The following INPP5A variants were observed in gnomAD, a reference collection of about 807,000 sequenced individuals.
INPP5A encodes inositol polyphosphate-5-phosphatase A, also known as 43 kDa inositol polyphosphate 5-phophatase.
In INPP5A, 14 loss-of-function variants were observed where a neutral mutation model predicts 65.2. That is an observed-to-expected ratio of 0.21 (90% CI 0.14 to 0.34). The LOEUF is 0.34. Ranked by LOEUF, INPP5A falls within the 10% of genes least tolerant of loss-of-function variation. INPP5A has a pLI of 1.00. For missense variants in INPP5A, 431 were observed against 545.6 expected (o/e 0.79, Z 2.09); for synonymous variants, 207 against 208.3 (o/e 0.99, Z 0.05).
intron 1 of INPP5A, among the ~76,000 whole-genome samples, chr10:132,599,000 A>G (rs985797390): frequency 6.6e-6 from 1 of 152,204 alleles, no homozygotes; most frequent in Non-Finnish European, 1.5e-5. Context: ...TTCCCATAAC[A>G]GGTGGGAATT....
intron 8 of INPP5A, among the ~76,000 whole-genome samples, chr10:132,712,512 A>G (rs1428509998): frequency 6.9e-6 from 1 of 145,828 alleles, no homozygotes; most frequent in African/African-American, 2.6e-5. Flanking sequence ...GCACACTTGC[A>G]GGGGTGTGGG....
intron 4 of INPP5A, among the ~76,000 whole-genome samples, chr10:132,655,833 G>A (rs562844370): frequency 1.3e-5 from 2 of 152,352 alleles, no homozygotes; most frequent in South Asian, 4.1e-4. Flanking sequence ...TACCATCCAT[G>A]GCTCTGGTTC....
At chr10:132,580,842 A>C (rs1005854554) in intron 1 of INPP5A, among the ~76,000 whole-genome samples, 5 of 152,200 alleles carry the variant, frequency 3.3e-5, no homozygotes, top group African/African-American at 1.2e-4. Flanking sequence ...TACTTCCCCC[A>C]AATGCTTCTG....
At position 132,550,340 on chromosome 10, in the gene INPP5A, C is replaced by G. The variant is rs1420304244; in HGVS notation, c.75+12169C>G. Reference sequence around the variant, plus strand: ...CTCTGGCCAGTAGTCCCTGTCCTCTCCAGCGACCGCTCTCTCCTGGGTGTC... The same window carrying G: ...CTCTGGCCAGTAGTCCCTGTCCTCTGCAGCGACCGCTCTCTCCTGGGTGTC... On this transcript the variant is annotated intron_variant, in intron 1 of 15. Transcript: ENST00000368594. The surrounding 1 kb of genome is among the most constrained non-coding windows in gnomAD (Gnocchi z 4.2). Among the ~76,000 whole-genome samples the G allele has an allele frequency of 6.6e-6, 1 of 152,200 alleles. No homozygotes were observed. The highest frequency in any genetic ancestry group is 1.5e-5 in the Non-Finnish European group (1 of 68,036).
At chr10:132,586,358 G>C (rs1170906435) in intron 1 of INPP5A, among the ~76,000 whole-genome samples, 1 of 152,210 alleles carries the variant, frequency 6.6e-6, no homozygotes, top group Non-Finnish European at 1.5e-5. Flanking sequence ...GAGAGCAGGG[G>C]GCTCTCTGGA....
At chr10:132,694,164 A>G (rs1031674964) in intron 5 of INPP5A, among the ~76,000 whole-genome samples, 10 of 152,230 alleles carry the variant, frequency 6.6e-5, no homozygotes, top group Admixed American at 5.2e-4. Flanking sequence ...AAGAACAGAA[A>G]CCATATACAG....
At chr10:132,718,153 C>G (rs12764616) in intron 8 of INPP5A, among the ~76,000 whole-genome samples, 5 of 140,078 alleles carry the variant, frequency 3.6e-5, no homozygotes, top group African/African-American at 5.4e-5. Flanking sequence ...CAGCTGTCTT[C>G]AGGGTTCTGT....
intron 1 of INPP5A, among the ~76,000 whole-genome samples, chr10:132,572,713 A>G (rs1031026218): frequency 6.6e-6 from 1 of 152,146 alleles, no homozygotes; most frequent in Non-Finnish European, 1.5e-5. Context: ...ATAACAGGAC[A>G]GGATTCAGAG....
At chr10:132,666,177 T>C (rs528029423) in intron 4 of INPP5A, among the ~76,000 whole-genome samples, 2 of 151,810 alleles carry the variant, frequency 1.3e-5, no homozygotes, top group African/African-American at 4.8e-5. Context: ...GTGACTGTTA[T>C]AATGCATCAT....
At chr10:132,732,673 A>C (rs1846106738) in intron 9 of INPP5A, among the ~76,000 whole-genome samples, 1 of 152,158 alleles carries the variant, frequency 6.6e-6, no homozygotes, top group African/African-American at 2.4e-5. Flanking sequence ...AGGACCCTGG[A>C]ACCGACCACG....
At position 132,655,827 on chromosome 10, in the gene INPP5A, A is replaced by G. The variant is rs150502069; in HGVS notation, c.306+5322A>G. On this transcript the variant is annotated intron_variant, in intron 4 of 15. Transcript: ENST00000368594. ...TCCCAGCTCAGCTTGGTGACTTACCATCCATGGCTCTGGTTCGCTTGTCAC... is the reference window on the plus strand; with the variant it reads ...TCCCAGCTCAGCTTGGTGACTTACCGTCCATGGCTCTGGTTCGCTTGTCAC... Among the ~76,000 whole-genome samples the G allele has an allele frequency of 4.1e-3, 627 of 152,300 alleles. 3 individuals are homozygous for G. The highest frequency in any genetic ancestry group is 7.1e-3 in the Non-Finnish European group (481 of 68,012).
chr10:132,729,731 G>A (rs974844378), intron 9 of INPP5A, among the ~76,000 whole-genome samples: 5 of 152,204 alleles, frequency 3.3e-5, no homozygotes, highest in Non-Finnish European at 5.9e-5. Context: ...GCCAGAGTTC[G>A]AAGATTCCCA....
chr10:132,572,204 A>G (rs763846143), intron 1 of INPP5A, among the ~76,000 whole-genome samples: 74 of 152,334 alleles, frequency 4.9e-4, no homozygotes, highest in Non-Finnish European at 5.6e-4. Flanking sequence ...CGGAGGGACC[A>G]TTGTGATACT....
Position 132,753,213 on chromosome 10 carries a change from A to G in INPP5A, c.903+3368A>G, listed in dbSNP as rs546515173. 1.8e-4 allele frequency among the ~76,000 whole-genome samples: 28 copies of G among 152,158 alleles called. No homozygotes were observed. Among genetic ancestry groups the G allele is most frequent in the African/African-American group, 5.5e-4 (23 of 41,520 alleles). ...CATGCCGAGTCAGTTGTGCCCAGAA[A>G]TTGGCAGTTGTCCCCATCGACGGAG... On this transcript the variant is annotated intron_variant, in intron 11 of 15. Transcript: ENST00000368594. This position sits in a 1 kb window ranked among gnomAD's most constrained non-coding sequence, Gnocchi z 5.3.
chr10:132,601,464 T>C (rs1473328866), intron 1 of INPP5A, among the ~76,000 whole-genome samples: 1 of 152,234 alleles, frequency 6.6e-6, no homozygotes. Context: ...TTTCATCCTA[T>C]TGATAGTGGC....
intron 12 of INPP5A, among the ~76,000 whole-genome samples, chr10:132,769,406 C>G (rs1846910684): frequency 6.6e-6 from 1 of 152,218 alleles, no homozygotes; most frequent in Non-Finnish European, 1.5e-5. Context: ...GCCTCTGCCT[C>G]TGCATAAGGA....
chr10:132,624,174 G>C (rs985791094), intron 2 of INPP5A, among the ~76,000 whole-genome samples: 4 of 147,722 alleles, frequency 2.7e-5, no homozygotes, highest in Non-Finnish European at 4.5e-5. Flanking sequence ...CGGCTGACAT[G>C]ATGGCGCCTG....
Position 132,637,101 on chromosome 10 carries a change from A to G in INPP5A, c.118-8767A>G, listed in dbSNP as rs1006875071. On this transcript the variant is annotated intron_variant, in intron 2 of 15. Transcript: ENST00000368594. The surrounding 1 kb of genome is among the most constrained non-coding windows in gnomAD (Gnocchi z 4.1). ...CCCAGCTAATTTTTGCATTTTTAGT[A>G]GAGACGGGGTTTGACCATGTTGGCC... 1.3e-5 allele frequency among the ~76,000 whole-genome samples: 2 copies of G among 152,156 alleles called. No homozygotes were observed. Among genetic ancestry groups the G allele is most frequent in the African/African-American group, 4.8e-5 (2 of 41,410 alleles).
At position 132,538,517 on chromosome 10, in the gene INPP5A, C is replaced by T. The variant is rs2070870537; in HGVS notation, c.75+346C>T. Among the ~76,000 whole-genome samples, 2 of 152,176 alleles carry T rather than the reference C, an allele frequency of 1.3e-5. No individual in the cohort carries two copies. The highest frequency in any genetic ancestry group is 2.1e-4 in the South Asian group (1 of 4,832). ...TCCAATATTAAAACCCTGTCAGAAC[C>T]CCTGTTAACAGTTCCTGGAACCCAA... On this transcript the variant is annotated intron_variant, in intron 1 of 15. Transcript: ENST00000368594. The surrounding 1 kb of genome is among the most constrained non-coding windows in gnomAD (Gnocchi z 4.1).
Sources: gnomAD v4.1 joint callset for allele counts (sites outside exome capture counted in the v4.1 genomes callset) on GRCh38, gnomAD v4.1.1 for gene constraint, Gnocchi (gnomAD v3.1) non-coding constraint, MANE v1.5 for transcripts, NCBI Gene and HGNC (gene_info 2026-07-23, HGNC 2026-07-21) for gene names.